Variants in LHX9 observed in about 807,000 individuals in gnomAD.
The protein encoded by LHX9 is LIM/homeobox protein Lhx9.
Under a neutral mutation model 36.5 loss-of-function variants are expected in LHX9, and 9 were observed. The observed-to-expected ratio is 0.25, with a 90% CI of 0.15 to 0.43. LHX9 has a LOEUF of 0.43. LHX9 is among the 20% of genes least tolerant of loss of function. LHX9 has a pLI of 1.00. For synonymous variants in LHX9, 211 were observed against 212.1 expected, an observed-to-expected ratio of 0.99 and a Z score of 0.04; for missense variants, 464 against 526.4, an observed-to-expected ratio of 0.88 and a Z score of 1.16.
intron 4 of LHX9, among the ~76,000 whole-genome samples, chr1:197,928,054 G>A (rs1174200309): frequency 1.3e-5 from 2 of 152,162 alleles, no homozygotes. Context: ...AGCACAGCTT[G>A]TCTCACTGCT....
intron 3 of LHX9, 119 bp from the exon 4 acceptor site, chr1:197,927,472 G>T (rs1660177749): frequency 2.4e-6 from 2 of 817,560 alleles, no homozygotes; most frequent in Non-Finnish European, 4.2e-6. Flanking sequence ...CTCATAATTG[G>T]GTTGACAACC....
Position 197,930,190 on chromosome 1 carries a change from A to C in LHX9, c.*931A>C. Reference sequence around the variant, plus strand: ...GGCTTCAGCTGTACCATGATATTGTATCTGGCATTCTATATGAATAATGTT... The same window carrying C: ...GGCTTCAGCTGTACCATGATATTGTCTCTGGCATTCTATATGAATAATGTT... On this transcript the variant is annotated 3_prime_UTR_variant, in exon 5 of 5. Transcript: ENST00000367387. 2.5e-6 allele frequency: 1 copy of C among 392,586 alleles called. No individual in the cohort carries two copies. Among genetic ancestry groups the C allele is most frequent in the South Asian group, 1.1e-4 (1 of 9,306 alleles). The allele number at this position is 392,586 out of a possible 1,614,324, so 24.3% of individuals were successfully genotyped here.
At chr1:197,915,630 G>T (rs529452566), upstream of LHX9, among the ~76,000 whole-genome samples, 1 of 152,114 alleles carries the variant, frequency 6.6e-6, no homozygotes, top group South Asian at 2.1e-4. Context: ...TTTGGCACCC[G>T]GAGGACTTAA....
chr1:197,920,008 T>C lies in LHX9; in HGVS notation c.211T>C (p.Cys71Arg). ...PPLSPEKPAL[C>R]AGCGGKISDR... ...GCTCAGCCCGGAGAAGCCCGCCCTGTGCGCCGGCTGCGGGGGCAAGATCTC... is the reference window on the plus strand; with the variant it reads ...GCTCAGCCCGGAGAAGCCCGCCCTGCGCGCCGGCTGCGGGGGCAAGATCTC... The change falls in exon 2 of 5, where the codon TGC (cysteine) becomes CGC (arginine). Residue 71 changes from cysteine (C) to arginine (R), a missense_variant. Cys to Arg is a radical substitution (Grantham distance 180). Transcript: ENST00000367387. 1 of 1,614,198 alleles carries C rather than the reference T, an allele frequency of 6.2e-7. No individual in the cohort carries two copies. The highest frequency in any genetic ancestry group is 8.5e-7 in the Non-Finnish European group (1 of 1,180,046).
Position 197,930,776 on chromosome 1 carries a change from A to T in LHX9, c.*1517A>T, listed in dbSNP as rs1660308646. The T allele has an allele frequency of 2.0e-5, 3 of 150,900 alleles. No individual in the cohort carries two copies. Among genetic ancestry groups the T allele is most frequent in the Admixed American group, 1.3e-4 (2 of 15,184 alleles). 9.3% of individuals were successfully genotyped at this position (150,900 alleles called of 1,614,324 possible). On this transcript the variant is annotated 3_prime_UTR_variant, in exon 5 of 5. Coordinates refer to ENST00000367387, the MANE Select transcript of LHX9 (RefSeq NM_020204.3). ...TAGCACAGAAAGTAGCTTATTTTTT[A>T]AAAAAAGATGATGGAAGATAAGTTA...
In LHX9 at chr1:197,929,107, G is replaced by A. The variant is rs767593231; in HGVS notation, c.1042G>A (p.Ala348Thr). Reference protein sequence around the residue: ...DGTSLPAPPSADSGALTPPGT... With the variant: ...DGTSLPAPPSTDSGALTPPGT... ...CACGTCGCTTCCGGCCCCGCCCTCA[G>A]CAGACAGCGGAGCTCTCACTCCACC... is the stretch of plus-strand genomic sequence containing the variant. Residue 348 changes from alanine to threonine, a missense_variant, in exon 5 of 5, where the codon GCA becomes ACA. Coordinates refer to ENST00000367387, the MANE Select transcript of LHX9 (RefSeq NM_020204.3). The A allele has an allele frequency of 3.1e-6, 5 of 1,613,724 alleles. No individual in the cohort carries two copies. The highest frequency in any genetic ancestry group is 4.2e-6 in the Non-Finnish European group (5 of 1,179,894).
At chr1:197,916,444 C>A, upstream of LHX9, 3 of 559,596 alleles carry the variant, frequency 5.4e-6, no homozygotes, top group South Asian at 4.3e-5. Flanking sequence ...AGCGCCCAGT[C>A]CTGCGGGGGC....
intron 3 of LHX9, among the ~76,000 whole-genome samples, chr1:197,926,389 C>G (rs993177754): frequency 3.9e-5 from 6 of 152,160 alleles, no homozygotes; most frequent in African/African-American, 1.2e-4. Context: ...ATATAACTAT[C>G]TGAAGGAAGA....
At chr1:197,916,817 G>A (rs906463774), upstream of LHX9, 10 of 702,530 alleles carry the variant, frequency 1.4e-5, no homozygotes, top group Admixed American at 6.0e-5. Context: ...ATGGGATGGG[G>A]AGGAGAGGAA....
At chr1:197,914,132 C>T (rs6671352), upstream of LHX9, among the ~76,000 whole-genome samples, 1,711 of 152,262 alleles carry the variant, frequency 0.011, 41 homozygotes, top group African/African-American at 0.039. Context: ...GCAACAGTAG[C>T]GGGATGGGTG....
chr1:197,924,301 A>G (rs1660083536), intron 3 of LHX9, among the ~76,000 whole-genome samples: 1 of 152,260 alleles, frequency 6.6e-6, no homozygotes, highest in African/African-American at 2.4e-5. Flanking sequence ...TTGATACTAA[A>G]CTAAGTATAA....
At position 197,921,522 on chromosome 1, in the gene LHX9, T is replaced by C. The variant is rs769711932; in HGVS notation, c.596T>C (p.Leu199Pro). 1.2e-5 allele frequency: 20 copies of C among 1,613,976 alleles called. No homozygotes were observed. The highest frequency in any genetic ancestry group is 1.7e-5 in the Admixed American group (1 of 60,000). ...TLLQGEYPPQ[L>P]SYTELAAKSG... ...TTGCAAGGAGAGTATCCACCGCAGC[T>C]GAGCTACACGGAGCTGGCGGCCAAG... Residue 199 changes from leucine to proline, a missense_variant, in exon 3 of 5, where the codon CTG (leucine) becomes CCG (proline). Around this residue, in one of 5 missense-constraint regions of LHX9, gnomAD observed 130 missense variants for 109.6 expected, o/e 1.19. Transcript: ENST00000367387. The surrounding 1 kb of genome is among the most constrained non-coding windows in gnomAD (Gnocchi z 4.6).
At position 197,935,318 on chromosome 1, in the gene LHX9, G is replaced by A. The variant is rs1267153209; in HGVS notation, c.*6059G>A. 2 of 152,194 alleles carry A rather than the reference G, an allele frequency of 1.3e-5. No homozygotes were observed. The highest frequency in any genetic ancestry group is 2.1e-4 in the South Asian group (1 of 4,832). The allele number at this position is 152,194 out of a possible 1,614,324, so 9.4% of individuals were successfully genotyped here. On this transcript the variant is annotated 3_prime_UTR_variant, in exon 5 of 5. Coordinates refer to ENST00000367387, the MANE Select transcript of LHX9 (RefSeq NM_020204.3). ...TAGCCATATGTAGAAAGTTCCTGGT[G>A]TGCATTTCTGTGTACTTTTCCCTCA...
upstream of LHX9, among the ~76,000 whole-genome samples, chr1:197,914,235 C>A (rs1253237190): frequency 6.6e-6 from 1 of 152,180 alleles, no homozygotes; most frequent in Non-Finnish European, 1.5e-5. Context: ...CCCCATTATA[C>A]CTGGTAGAAC....
chr1:197,924,607 G>A (rs1170304151), intron 3 of LHX9, among the ~76,000 whole-genome samples: 9 of 152,334 alleles, frequency 5.9e-5, no homozygotes, highest in African/African-American at 1.9e-4. Context: ...TTAATTGAGA[G>A]ATTAAACTTT....
chr1:197,917,203 A>G (rs1027595575), upstream of LHX9: 4 of 972,362 alleles, frequency 4.1e-6, no homozygotes, highest in Non-Finnish European at 4.9e-6. Flanking sequence ...ACCCCTTTGT[A>G]ATGTTTGTCC....
Position 197,921,532 on chromosome 1 carries a change from G to A in LHX9, c.606G>A (p.Thr202=), listed in dbSNP as rs1274891404. ...AGTATCCACCGCAGCTGAGCTACAC[G>A]GAGCTGGCGGCCAAGAGCGGCGGCC... The part of the protein sequence containing the change: ...QGEYPPQLSY[T]ELAAKSGGLA... The change falls in exon 3 of 5, where the codon ACG becomes ACA. Residue 202 remains threonine (T), a synonymous_variant. Coordinates refer to ENST00000367387, the MANE Select transcript of LHX9 (RefSeq NM_020204.3). The surrounding 1 kb of genome is among the most constrained non-coding windows in gnomAD (Gnocchi z 4.6). 1.2e-6 allele frequency: 2 copies of A among 1,614,026 alleles called. No individual in the cohort carries two copies. Among genetic ancestry groups the A allele is most frequent in the South Asian group, 1.1e-5 (1 of 91,074 alleles).
Position 197,919,963 on chromosome 1 carries a change from T to C in LHX9, c.175-9T>C, listed in dbSNP as rs766695436. On this transcript the variant is annotated splice_polypyrimidine_tract_variant and intron_variant, in intron 1 of 4. Transcript: ENST00000367387. ...CCCTCCTCAGCCTTGCGGTGTGCTT[T>C]CTTTGCAGGGCATGCCCCCGCTCAG... 6 of 1,613,698 alleles carry C rather than the reference T, an allele frequency of 3.7e-6. No homozygotes were observed. The Admixed American group carries it at 1.0e-4, about 27-fold the overall frequency.
Position 197,931,758 on chromosome 1 carries a change from C to A in LHX9, c.*2499C>A. The stretch of plus-strand genomic sequence containing the variant: ...TTTTTAGAATAAAAAGGCTAATTAG[C>A]ATATAAAGTAATTGCATGGAACGAA... On this transcript the variant is annotated 3_prime_UTR_variant, in exon 5 of 5. Coordinates refer to ENST00000367387, the MANE Select transcript of LHX9 (RefSeq NM_020204.3). 1 of 521,552 alleles carries A rather than the reference C, an allele frequency of 1.9e-6. No homozygotes were observed. Among genetic ancestry groups the A allele is most frequent in the South Asian group, 3.7e-5 (1 of 26,786 alleles). The allele number at this position is 521,552 out of a possible 1,614,324, so 32.3% of individuals were successfully genotyped here. A position where few individuals can be genotyped will look rare whatever the true frequency, so the allele number is the denominator to read the frequency against.
Sources: allele counts gnomAD v4.1 joint callset (sites outside exome capture counted in the v4.1 genomes callset), GRCh38; gene constraint gnomAD v4.1.1; regional missense constraint gnomAD v4.1.1; non-coding constraint Gnocchi (gnomAD v3.1); transcripts MANE v1.5; gene names NCBI Gene and HGNC (gene_info 2026-07-23, HGNC 2026-07-21).